Variants in GMPR observed in about 807,000 individuals in gnomAD.
The protein encoded by GMPR is GMP reductase 1.
GMPR carries 31 observed loss-of-function variants against 38.4 expected under a neutral mutation model. That is an observed-to-expected ratio of 0.81 (90% CI 0.61 to 1.09). The LOEUF (loss-of-function observed/expected upper bound fraction) is 1.09, where lower values mean the gene tolerates loss of function less well. Among genes scored for constraint, GMPR ranks in the 50% least tolerant of loss-of-function variants. The probability of loss-of-function intolerance (pLI) is 0.00; values close to 1 mark genes in which losing one functional copy is unlikely to be tolerated. For missense variants in GMPR, 468 were observed against 453.7 expected (o/e 1.03, Z -0.29); for synonymous variants, 162 against 173.3 (o/e 0.93, Z 0.51).
At chr6:16,294,854 G>C (rs1210400752) in intron 8 of GMPR, 152 bp from the exon 9 acceptor site, 2 of 641,168 alleles carry the variant, frequency 3.1e-6, no homozygotes, top group Non-Finnish European at 5.4e-6. Context: ...CTTGGCACTT[G>C]GTAGAAATGT....
intron 1 of GMPR, among the ~76,000 whole-genome samples, chr6:16,243,167 G>A (rs771415924): frequency 3.9e-5 from 6 of 152,184 alleles, no homozygotes; most frequent in Non-Finnish European, 7.3e-5. Context: ...TCATGAATGC[G>A]TTAGAATCGC....
intron 4 of GMPR, among the ~76,000 whole-genome samples, chr6:16,256,571 C>T (rs1323636026): frequency 6.6e-6 from 1 of 150,700 alleles, no homozygotes; most frequent in Non-Finnish European, 1.5e-5. Context: ...CAAGGTCAAC[C>T]AGCTGTACCA....
At chr6:16,248,743 C>T (rs1203637032) in intron 2 of GMPR, among the ~76,000 whole-genome samples, 1 of 152,168 alleles carries the variant, frequency 6.6e-6, no homozygotes, top group Non-Finnish European at 1.5e-5. Flanking sequence ...CCTTTCCCTG[C>T]TCTGCTCTGT....
chr6:16,295,307 T>G lies in GMPR; in HGVS notation c.*121T>G. ...TCCTGAATGGTGGAATGCTGTGTCC[T>G]CTCTTCTGTCTCCTGCTGCCTGGAG... is the stretch of plus-strand genomic sequence containing the variant. On this transcript the variant is annotated 3_prime_UTR_variant, in exon 9 of 9. Transcript: ENST00000259727. 2 of 728,072 alleles carry G rather than the reference T, an allele frequency of 2.7e-6. No homozygotes were observed. Among genetic ancestry groups the G allele is most frequent in the South Asian group, 5.5e-5 (2 of 36,550 alleles). The allele number at this position is 728,072 out of a possible 1,614,324, so 45.1% of individuals were successfully genotyped here.
At chr6:16,247,019 A>G (rs1758771185) in intron 2 of GMPR, 58 bp downstream of exon 2, 3 of 1,545,864 alleles carry the variant, frequency 1.9e-6, no homozygotes, top group Non-Finnish European at 2.7e-6. Context: ...ACAGGTTATC[A>G]GGAGCCGACC....
At chr6:16,282,071 C>T (rs1399197495) in intron 6 of GMPR, among the ~76,000 whole-genome samples, 1 of 152,220 alleles carries the variant, frequency 6.6e-6, no homozygotes, top group Non-Finnish European at 1.5e-5. Flanking sequence ...GATCCTGCCA[C>T]TTGGTCCAAT....
In GMPR at chr6:16,238,723, C is replaced by G. The variant is rs771842768; in HGVS notation, c.30C>G (p.Leu10=). The G allele has an allele frequency of 3.5e-5, 50 of 1,445,864 alleles. No homozygotes were observed. The highest frequency in any genetic ancestry group is 3.7e-5 in the Non-Finnish European group (40 of 1,087,100). The allele number at this position is 1,445,864 out of a possible 1,614,324, so 89.6% of individuals were successfully genotyped here. MPRIDADLK[L]DFKDVLLRPK... ...CCCGCATAGATGCGGACCTCAAGCT[C>G]GACTTCAAGGATGTCCTGCTCCGAC... Residue 10 remains leucine (L), a synonymous_variant, in exon 1 of 9, where the codon CTC becomes CTG. Transcript: ENST00000259727.
At chr6:16,247,206 C>G (rs1307465810) in intron 2 of GMPR, among the ~76,000 whole-genome samples, 3 of 152,028 alleles carry the variant, frequency 2.0e-5, no homozygotes, top group Non-Finnish European at 4.4e-5. Context: ...ATTAGAGATA[C>G]AAAAAGAAGC....
In GMPR at chr6:16,295,226, C is replaced by T. The variant is rs1448162764; in HGVS notation, c.*40C>T. 1.4e-6 allele frequency: 2 copies of T among 1,430,088 alleles called. No individual in the cohort carries two copies. The highest frequency in any genetic ancestry group is 5.3e-5 in the East Asian group (2 of 37,910). The allele number at this position is 1,430,088 out of a possible 1,614,324, so 88.6% of individuals were successfully genotyped here. On this transcript the variant is annotated 3_prime_UTR_variant, in exon 9 of 9. Coordinates refer to ENST00000259727, the MANE Select transcript of GMPR (RefSeq NM_006877.4). Reference sequence around the variant, plus strand: ...CAGCGTCTGGCTCGAGTGGAAGCGTCCAAACCTGCTTTTCCCATCTCCCCC... The same window carrying T: ...CAGCGTCTGGCTCGAGTGGAAGCGTTCAAACCTGCTTTTCCCATCTCCCCC...
In GMPR at chr6:16,295,372, G is replaced by A. The variant is rs528021798; in HGVS notation, c.*186G>A. On this transcript the variant is annotated 3_prime_UTR_variant, in exon 9 of 9. Coordinates refer to ENST00000259727, the MANE Select transcript of GMPR (RefSeq NM_006877.4). ...CCGCCTGCCTTCTCGGGGCCCAGAC[G>A]CAAGGCACCGATTGGGCCAACATCA... The A allele has an allele frequency of 7.6e-5, 35 of 463,160 alleles. No homozygotes were observed. The highest frequency in any genetic ancestry group is 1.2e-4 in the Non-Finnish European group (33 of 270,086). 28.7% of individuals were successfully genotyped at this position (463,160 alleles called of 1,614,324 possible). A position where few individuals can be genotyped will look rare whatever the true frequency, so the allele number is the denominator to read the frequency against.
chr6:16,246,183 CTG>C (rs767579995), intron 1 of GMPR, among the ~76,000 whole-genome samples: 40 of 152,098 alleles, frequency 2.6e-4, no homozygotes, highest in Non-Finnish European at 4.3e-4. Context: ...ACCCTTGTGA[CTG>C]TGTTGTTCTG....
In GMPR at chr6:16,278,861, G is replaced by A; in HGVS notation, c.625G>A (p.Ala209Thr). The A allele has an allele frequency of 6.2e-7, 1 of 1,613,614 alleles. No homozygotes were observed. Among genetic ancestry groups the A allele is most frequent in the Non-Finnish European group, 8.5e-7 (1 of 1,179,568 alleles). The change falls in exon 6 of 9, where the codon GCC (alanine) becomes ACC (threonine). Residue 209 changes from alanine to threonine, a missense_variant. By Grantham distance (58) the Ala-to-Thr change is moderately conservative. Transcript: ENST00000259727. Reference sequence around the variant, plus strand: ...TGCCGTCATTGAGTGTGCCGACTCTGCCCATGGCCTGAAGGGCCACATCAT... The same window carrying A: ...TGCCGTCATTGAGTGTGCCGACTCTACCCATGGCCTGAAGGGCCACATCAT... The part of the protein sequence containing the change: ...LSAVIECADS[A>T]HGLKGHIISD...
At chr6:16,265,806 C>A (rs1043436628) in intron 4 of GMPR, among the ~76,000 whole-genome samples, 2 of 150,764 alleles carry the variant, frequency 1.3e-5, no homozygotes, top group African/African-American at 2.4e-5. Flanking sequence ...ATAACCCACT[C>A]CGGAACCCTT....
At chr6:16,261,890 A>G (rs1759093005) in intron 4 of GMPR, among the ~76,000 whole-genome samples, 1 of 151,894 alleles carries the variant, frequency 6.6e-6, no homozygotes. Context: ...GATTGGGAAG[A>G]AGGGCGGCAA....
chr6:16,276,126 G>A (rs1448557651), intron 5 of GMPR, among the ~76,000 whole-genome samples: 1 of 152,080 alleles, frequency 6.6e-6, no homozygotes, highest in Non-Finnish European at 1.5e-5. Flanking sequence ...TGTGTTGGGC[G>A]GGTGCTGTAC....
intron 7 of GMPR, among the ~76,000 whole-genome samples, chr6:16,286,164 G>A (rs1362620134): frequency 6.6e-6 from 1 of 152,126 alleles, no homozygotes; most frequent in Admixed American, 6.5e-5. Flanking sequence ...CTACAGAGGG[G>A]GTTTTTTGGA....
chr6:16,283,867 G>A (rs1157328707), intron 6 of GMPR, among the ~76,000 whole-genome samples: 1 of 152,244 alleles, frequency 6.6e-6, no homozygotes, highest in Non-Finnish European at 1.5e-5. Context: ...GTGAAACACT[G>A]TGTAGAGCTG....
At chr6:16,271,858 A>T (rs1759393817) in intron 4 of GMPR, among the ~76,000 whole-genome samples, 1 of 152,122 alleles carries the variant, frequency 6.6e-6, no homozygotes, top group Admixed American at 6.5e-5. Context: ...CAAAATTGAG[A>T]TCTTTCTATT....
chr6:16,259,982 T>G (rs1163021422), intron 4 of GMPR, among the ~76,000 whole-genome samples: 4 of 152,048 alleles, frequency 2.6e-5, no homozygotes, highest in Non-Finnish European at 5.9e-5. Flanking sequence ...AGACAGAAGA[T>G]AGTAGGGATG....
Sources: allele counts gnomAD v4.1 joint callset (sites outside exome capture counted in the v4.1 genomes callset), GRCh38; gene constraint gnomAD v4.1.1; transcripts MANE v1.5; gene names NCBI Gene and HGNC (gene_info 2026-07-23, HGNC 2026-07-21).